Variants in PTK2 observed in about 807,000 individuals in gnomAD.
PTK2 encodes focal adhesion kinase 1.
PTK2 carries 45 observed loss-of-function variants against 150.1 expected under a neutral mutation model. The observed-to-expected ratio is 0.30, with a 90% CI of 0.24 to 0.38. The LOEUF (loss-of-function observed/expected upper bound fraction) is 0.38, where lower values mean the gene tolerates loss of function less well. Among genes scored for constraint, PTK2 ranks in the 10% least tolerant of loss-of-function variants. The pLI, the probability that PTK2 is intolerant of heterozygous loss-of-function variation, is 1.00. For missense variants in PTK2, 919 were observed against 1,307.3 expected (o/e 0.70, Z 4.58); for synonymous variants, 432 against 449.2 (o/e 0.96, Z 0.48).
At chr8:140,941,300 A>G (rs973011990) in intron 1 of PTK2, among the ~76,000 whole-genome samples, 1 of 152,246 alleles carries the variant, frequency 6.6e-6, no homozygotes, top group African/African-American at 2.4e-5. Flanking sequence ...ACCAAATGTC[A>G]AAGAGGCTAC....
chr8:140,775,957 A>G (rs2100078166), intron 14 of PTK2, among the ~76,000 whole-genome samples: 1 of 152,196 alleles, frequency 6.6e-6, no homozygotes, highest in Admixed American at 6.5e-5. Context: ...TTATCTTCAC[A>G]TTCCTGGAAT....
At chr8:140,758,701 C>T (rs1332032956) in intron 16 of PTK2, among the ~76,000 whole-genome samples, 1 of 152,060 alleles carries the variant, frequency 6.6e-6, no homozygotes, top group Non-Finnish European at 1.5e-5. Flanking sequence ...AAAAAGGTTA[C>T]AATAAGCTAA....
chr8:140,817,938 A>C (rs1450037360), intron 10 of PTK2, among the ~76,000 whole-genome samples: 1 of 152,184 alleles, frequency 6.6e-6, no homozygotes, highest in East Asian at 1.9e-4. Flanking sequence ...GCTGTTTCAA[A>C]GGGTAAGATG....
intron 13 of PTK2, among the ~76,000 whole-genome samples, chr8:140,792,735 T>C (rs1237414307): frequency 3.9e-5 from 6 of 152,242 alleles, no homozygotes; most frequent in Admixed American, 2.0e-4. Context: ...TCTATTCCAG[T>C]GGCCTCTTAG....
chr8:140,716,367 T>C (rs906863489), intron 23 of PTK2, among the ~76,000 whole-genome samples: 1 of 152,316 alleles, frequency 6.6e-6, no homozygotes, highest in Admixed American at 6.5e-5. Context: ...GTGCTAGTTT[T>C]TTCTGTGGGT....
chr8:140,967,572 T>C (rs566657394), intron 1 of PTK2, among the ~76,000 whole-genome samples: 1 of 151,554 alleles, frequency 6.6e-6, no homozygotes, highest in South Asian at 2.1e-4. Flanking sequence ...GCAATTCTCC[T>C]GCCTCAGCCT....
intron 22 of PTK2, among the ~76,000 whole-genome samples, chr8:140,733,582 G>C (rs1285005574): frequency 6.6e-6 from 1 of 152,134 alleles, no homozygotes; most frequent in African/African-American, 2.4e-5. Context: ...CCTGAGGAAA[G>C]ATCAAGGAGG....
intron 26 of PTK2, among the ~76,000 whole-genome samples, chr8:140,690,954 A>G (rs962622807): frequency 2.0e-5 from 3 of 152,370 alleles, no homozygotes; most frequent in African/African-American, 7.2e-5. Context: ...AAAATGGAAC[A>G]GTAATTGTAA....
intron 22 of PTK2, among the ~76,000 whole-genome samples, chr8:140,727,457 C>G (rs1464283289): frequency 6.8e-6 from 1 of 147,214 alleles, no homozygotes; most frequent in Non-Finnish European, 1.5e-5. Flanking sequence ...GCTTAGTCTT[C>G]TAGATAATAT....
intron 31 of PTK2, among the ~76,000 whole-genome samples, chr8:140,661,713 G>A (rs941513443): frequency 6.6e-6 from 1 of 152,148 alleles, no homozygotes; most frequent in African/African-American, 2.4e-5. Flanking sequence ...CAGGAGAGGA[G>A]TGAGTGAGGA....
chr8:140,793,009 C>A (rs888339883), intron 13 of PTK2, among the ~76,000 whole-genome samples: 2 of 152,184 alleles, frequency 1.3e-5, no homozygotes, highest in African/African-American at 4.8e-5. Context: ...TAAATTATTT[C>A]TCTTTAATTT....
chr8:140,985,391 C>T (rs1301136869), intron 1 of PTK2, among the ~76,000 whole-genome samples: 3 of 152,120 alleles, frequency 2.0e-5, no homozygotes, highest in Admixed American at 1.3e-4. Context: ...TCCCAAAGTG[C>T]TCGAATTACA....
chr8:140,679,003 G>GTTTTTTTTTTTTTTTTTTTTT (rs533089786), intron 27 of PTK2, among the ~76,000 whole-genome samples: 2 of 69,006 alleles, frequency 2.9e-5, no homozygotes, highest in Admixed American at 2.2e-4. Flanking sequence ...TGCTCCCCAT[G>GTTTTTTTTTTTTTTTTTTTTT]TTTTTTTTTT....
intron 22 of PTK2, among the ~76,000 whole-genome samples, chr8:140,730,029 G>A (rs931540557): frequency 6.6e-6 from 1 of 152,198 alleles, no homozygotes; most frequent in African/African-American, 2.4e-5. Flanking sequence ...TTATTTCAAT[G>A]TTATAACTAG....
chr8:140,830,412 TG>T, intron 8 of PTK2, 59 bp downstream of exon 8: 1 of 1,128,824 alleles, frequency 8.9e-7, no homozygotes, highest in South Asian at 1.6e-5. Context: ...AATTTACCAC[TG>T]GGGAAAAGGT....
chr8:140,698,526 T>C (rs1211686762), intron 26 of PTK2, among the ~76,000 whole-genome samples: 2 of 152,166 alleles, frequency 1.3e-5, no homozygotes, highest in African/African-American at 4.8e-5. Context: ...CCATCTTGGC[T>C]CACTGCAACC....
chr8:140,923,193 C>A (rs1020768090), intron 2 of PTK2, among the ~76,000 whole-genome samples: 2 of 152,130 alleles, frequency 1.3e-5, no homozygotes, highest in African/African-American at 4.8e-5. Context: ...AGCATAAATT[C>A]TCCAGGCCAG....
At chr8:140,752,273 C>A in exon 17 of PTK2, 1 of 1,614,100 alleles carries the variant, frequency 6.2e-7, no homozygotes, top group Non-Finnish European at 8.5e-7. Flanking sequence ...GTCCGAAGTA[C>A]AGTTTTTACA....
chr8:140,706,814 T>A (rs184695682), intron 23 of PTK2, among the ~76,000 whole-genome samples: 1 of 152,266 alleles, frequency 6.6e-6, no homozygotes, highest in Admixed American at 6.5e-5. Context: ...GAGAGTTGCT[T>A]GAGCCGAGGA....
Sources: allele counts gnomAD v4.1 joint callset (sites outside exome capture counted in the v4.1 genomes callset), GRCh38; gene constraint gnomAD v4.1.1; transcripts MANE v1.5; gene names NCBI Gene and HGNC (gene_info 2026-07-23, HGNC 2026-07-21).